The following ACCSL variants were observed in gnomAD, a reference collection of about 807,000 sequenced individuals.
ACCSL encodes 1-aminocyclopropane-1-carboxylate synthase homolog (inactive) like.
A neutral mutation model predicts 61.7 loss-of-function variants in ACCSL; 55 were observed. That is an observed-to-expected ratio of 0.89 (90% CI 0.72 to 1.12). The LOEUF is 1.12. Among genes scored for constraint, ACCSL ranks in the 50% most tolerant of loss-of-function variants. ACCSL has a pLI of 0.00. For missense variants in ACCSL, 632 were observed against 698.0 expected, an observed-to-expected ratio of 0.91 and a Z score of 1.07; for synonymous variants, 258 against 264.3, an observed-to-expected ratio of 0.98 and a Z score of 0.23.
At chr11:43,943,492 C>T in the ACCSL span, 135 of 1,383,460 alleles carry the variant, frequency 9.8e-5, no homozygotes, top group East Asian at 4.6e-3. This position sits in a 1 kb window ranked among gnomAD's most constrained non-coding sequence, Gnocchi z 4.8. Flanking sequence ...CCGCTTTCCT[C>T]GTCCTTGTAA....
chr11:43,926,388 T>A, the ACCSL span: 1 of 368,764 alleles, frequency 2.7e-6, no homozygotes, highest in South Asian at 2.0e-5. Flanking sequence ...CCGACCAGGC[T>A]CAGATGCACC....
At chr11:43,968,050 G>A in the ACCSL span, among the ~76,000 whole-genome samples, 1 of 152,050 alleles carries the variant, frequency 6.6e-6, no homozygotes, top group Admixed American at 6.6e-5. Context: ...GAGGATATTT[G>A]GCAATGTCTG....
chr11:44,029,942 A>C, the ACCSL span, among the ~76,000 whole-genome samples: 5 of 150,044 alleles, frequency 3.3e-5, no homozygotes, highest in Admixed American at 2.7e-4. Flanking sequence ...CATGTCAAAC[A>C]GTCAAACCAG....
the ACCSL span, among the ~76,000 whole-genome samples, chr11:43,967,167 CTTTTTTT>C: frequency 0.013 from 823 of 62,654 alleles, 5 homozygotes; most frequent in Middle Eastern, 0.037. Flanking sequence ...TCTTCTTCTT[CTTTTTTT>C]TTTTTTTTTT....
the ACCSL span, among the ~76,000 whole-genome samples, chr11:44,038,396 C>T: frequency 1.3e-5 from 2 of 152,174 alleles, no homozygotes; most frequent in African/African-American, 4.8e-5. Context: ...GCATGGGTCC[C>T]TTTATCTGCC....
chr11:43,963,921 T>C, the ACCSL span, among the ~76,000 whole-genome samples: 4 of 152,222 alleles, frequency 2.6e-5, no homozygotes, highest in African/African-American at 9.6e-5. Context: ...TTGTATCTTG[T>C]TGGATAATCA....
At chr11:44,027,018 G>A in the ACCSL span, among the ~76,000 whole-genome samples, 503 of 152,260 alleles carry the variant, frequency 3.3e-3, no homozygotes, top group African/African-American at 0.012. Context: ...GTGAGCCACC[G>A]CACCCAGCCG....
chr11:43,930,501 G>A, the ACCSL span, among the ~76,000 whole-genome samples: 4 of 152,124 alleles, frequency 2.6e-5, no homozygotes, highest in East Asian at 1.9e-4. Context: ...GTTATTTCAC[G>A]CTAGAACTGG....
Position 44,050,046 on chromosome 11 carries a change from T to C in ACCSL, c.505-16T>C. ...GCAAGAGGACTGACCTGATCTTGGA[T>C]TCCTTCCATCTCCAGGGTTTCATTA... is the stretch of plus-strand genomic sequence containing the variant. On this transcript the variant is annotated splice_polypyrimidine_tract_variant and intron_variant, in intron 1 of 13. Transcript: ENST00000378832. The C allele has an allele frequency of 6.2e-7, 1 of 1,614,172 alleles. No individual in the cohort carries two copies. The highest frequency in any genetic ancestry group is 8.5e-7 in the Non-Finnish European group (1 of 1,180,012).
chr11:44,056,201 G>A lies in ACCSL; in HGVS notation c.1202G>A (p.Gly401Asp). 4 of 1,614,134 alleles carry A rather than the reference G, an allele frequency of 2.5e-6. No individual in the cohort carries two copies. Among genetic ancestry groups the A allele is most frequent in the Non-Finnish European group, 3.4e-6 (4 of 1,180,028 alleles). Residue 401 changes from glycine to aspartate, a missense_variant, in exon 11 of 14, where the codon GGC (glycine) becomes GAC (aspartate). Coordinates refer to ENST00000378832, the MANE Select transcript of ACCSL (RefSeq NM_001031854.2). ...WGTSKDFGIS[G>D]FRFGALYTHN... is the part of the protein sequence containing the mutation. The stretch of plus-strand genomic sequence containing the variant: ...TTCCTCTAGGATTTTGGCATCTCTG[G>A]CTTCCGCTTTGGTGCTCTGTATACC...
chr11:43,929,450 C>T, the ACCSL span, among the ~76,000 whole-genome samples: 1 of 152,020 alleles, frequency 6.6e-6, no homozygotes, highest in Non-Finnish European at 1.5e-5. Flanking sequence ...CTCTTTTGCC[C>T]AGACTGGAGT....
chr11:43,976,400 T>A, the ACCSL span, among the ~76,000 whole-genome samples: 1 of 152,246 alleles, frequency 6.6e-6, no homozygotes, highest in Non-Finnish European at 1.5e-5. Flanking sequence ...GCATTCTACT[T>A]ATATATCCCT....
chr11:43,957,174 T>A, the ACCSL span, among the ~76,000 whole-genome samples: 4 of 152,298 alleles, frequency 2.6e-5, no homozygotes, highest in African/African-American at 4.8e-5. Context: ...TGAGAACATG[T>A]CTCCAAGGTG....
chr11:44,030,639 T>C, the ACCSL span, among the ~76,000 whole-genome samples: 2 of 152,110 alleles, frequency 1.3e-5, no homozygotes, highest in African/African-American at 4.8e-5. Flanking sequence ...TTGTTGTTGA[T>C]GTATTGTTTT....
chr11:44,033,602 C>T, the ACCSL span, among the ~76,000 whole-genome samples: 3 of 152,232 alleles, frequency 2.0e-5, no homozygotes, highest in South Asian at 2.1e-4. Flanking sequence ...GGGGGCCCCT[C>T]GGATTTGAAA....
At chr11:43,942,095 G>C in the ACCSL span, among the ~76,000 whole-genome samples, 11 of 151,804 alleles carry the variant, frequency 7.2e-5, no homozygotes, top group African/African-American at 2.7e-4. Context: ...CGCCTGCGGA[G>C]GGGGGTGGCA....
At chr11:43,938,287 C>G in the ACCSL span, among the ~76,000 whole-genome samples, 1 of 152,186 alleles carries the variant, frequency 6.6e-6, no homozygotes, top group African/African-American at 2.4e-5. Context: ...CCACAACCAC[C>G]GACAGGGTGT....
the ACCSL span, among the ~76,000 whole-genome samples, chr11:44,017,294 G>T: frequency 1.3e-5 from 2 of 152,182 alleles, no homozygotes; most frequent in African/African-American, 4.8e-5. Flanking sequence ...CCCATGCAAG[G>T]CCTGGTGAAA....
chr11:43,951,385 G>A, the ACCSL span, among the ~76,000 whole-genome samples: 18 of 152,146 alleles, frequency 1.2e-4, no homozygotes, highest in African/African-American at 4.1e-4. Context: ...CCAATCTATT[G>A]TTTTAGAATA....
Sources: gnomAD v4.1 joint callset for allele counts (sites outside exome capture counted in the v4.1 genomes callset) on GRCh38, gnomAD v4.1.1 for gene constraint, Gnocchi (gnomAD v3.1) non-coding constraint, MANE v1.5 for transcripts, NCBI Gene and HGNC (gene_info 2026-07-23, HGNC 2026-07-21) for gene names.